ZBTB20: variants seen among roughly 807,000 people sequenced by gnomAD.
The protein encoded by ZBTB20 is zinc finger and BTB domain-containing protein 20.
Under a neutral mutation model 56.9 loss-of-function variants are expected in ZBTB20, and 9 were observed. That is an observed-to-expected ratio of 0.16 (90% CI 0.10 to 0.28). The LOEUF (loss-of-function observed/expected upper bound fraction) is 0.28. ZBTB20 is among the 10% of genes least tolerant of loss of function. The pLI is 1.00. For missense variants in ZBTB20, 655 were observed against 1,003.0 expected (o/e 0.65, Z 4.69); for synonymous variants, 417 against 420.7 (o/e 0.99, Z 0.11).
intron 1 of ZBTB20, among the ~76,000 whole-genome samples, chr3:115,130,760 CTTTT>C (rs1184617105): frequency 1.3e-5 from 2 of 152,148 alleles, no homozygotes; most frequent in African/African-American, 2.4e-5. Context: ...ATTTTAATTT[CTTTT>C]TTTGTTTGTT....
chr3:114,834,357 G>A (rs1470175926), intron 4 of ZBTB20, among the ~76,000 whole-genome samples: 1 of 152,058 alleles, frequency 6.6e-6, no homozygotes, highest in Non-Finnish European at 1.5e-5. Context: ...TGACATCACA[G>A]ATATACAAAT....
chr3:114,724,836 G>A (rs1359627084), intron 5 of ZBTB20, among the ~76,000 whole-genome samples: 1 of 152,086 alleles, frequency 6.6e-6, no homozygotes, highest in Non-Finnish European at 1.5e-5. Flanking sequence ...AAGAAAAAGA[G>A]AGTGAGTCCA....
At chr3:114,902,284 C>A (rs2075150315) in intron 3 of ZBTB20, among the ~76,000 whole-genome samples, 1 of 152,200 alleles carries the variant, frequency 6.6e-6, no homozygotes, top group Non-Finnish European at 1.5e-5. Flanking sequence ...CACAGCCTAA[C>A]TTATTCACTA....
chr3:115,008,684 T>G (rs1471517185), intron 2 of ZBTB20, among the ~76,000 whole-genome samples: 1 of 151,950 alleles, frequency 6.6e-6, no homozygotes, highest in Non-Finnish European at 1.5e-5. Context: ...GTAAGTTTTG[T>G]ATTTCCTTGG....
At chr3:114,970,193 C>T (rs1345027583) in intron 3 of ZBTB20, among the ~76,000 whole-genome samples, 2 of 152,092 alleles carry the variant, frequency 1.3e-5, no homozygotes, top group African/African-American at 4.8e-5. Context: ...TATACAGCTA[C>T]CACACAACTA....
intron 6 of ZBTB20, among the ~76,000 whole-genome samples, chr3:114,645,502 C>A (rs1198991165): frequency 6.6e-6 from 1 of 151,998 alleles, no homozygotes; most frequent in Non-Finnish European, 1.5e-5. Context: ...TTGTTAATTC[C>A]AGAGATGCTT....
At chr3:114,927,091 C>T (rs1256185475) in intron 3 of ZBTB20, among the ~76,000 whole-genome samples, 2 of 152,160 alleles carry the variant, frequency 1.3e-5, no homozygotes. Flanking sequence ...CTGGGGACTG[C>T]TTAGGGCAAA....
chr3:114,527,370 T>A (rs1322915278), intron 6 of ZBTB20: 1 of 152,150 alleles, frequency 6.6e-6, no homozygotes, highest in African/African-American at 2.4e-5. Flanking sequence ...TAAGACAATA[T>A]CCATGTTATT....
chr3:114,621,639 A>G (rs1560049221), intron 6 of ZBTB20, among the ~76,000 whole-genome samples: 1 of 152,174 alleles, frequency 6.6e-6, no homozygotes, highest in Non-Finnish European at 1.5e-5. Flanking sequence ...CGACTGCCTA[A>G]TTAAATGAAT....
At chr3:114,382,976 C>G (rs1326242188) in intron 8 of ZBTB20, among the ~76,000 whole-genome samples, 1 of 152,168 alleles carries the variant, frequency 6.6e-6, no homozygotes, top group East Asian at 1.9e-4. Context: ...AGCAATGTAG[C>G]TTAGACAAAG....
rs145556956 is a variant in ZBTB20 at position 114,832,768 on chromosome 3, C to T, written c.-416-31594G>A. On this transcript the variant is annotated intron_variant, in intron 4 of 11. Coordinates refer to ENST00000675478, the MANE Select transcript of ZBTB20 (RefSeq NM_001348800.3). ...TGAATTGAGTGAACCTGGCTTCTCCCGCTTAGACGTGAACATTCCTGTTAG... is the reference window on the plus strand; with the variant it reads ...TGAATTGAGTGAACCTGGCTTCTCCTGCTTAGACGTGAACATTCCTGTTAG... Among the ~76,000 whole-genome samples, 19 of 152,138 alleles carry T rather than the reference C, an allele frequency of 1.2e-4. No homozygotes were observed. The East Asian group carries it at 3.1e-3, about 25-fold the overall frequency.
chr3:114,753,521 G>A (rs1391507945), intron 5 of ZBTB20, among the ~76,000 whole-genome samples: 1 of 149,754 alleles, frequency 6.7e-6, no homozygotes, highest in African/African-American at 2.5e-5. Flanking sequence ...TGCAACCTCC[G>A]CCTCCCGAGT....
intron 6 of ZBTB20, among the ~76,000 whole-genome samples, chr3:114,609,513 A>G (rs2107679582): frequency 6.6e-6 from 1 of 152,316 alleles, no homozygotes. Context: ...TATTATCATT[A>G]GTATGGTTTC....
chr3:114,581,725 C>G (rs1220719734), intron 6 of ZBTB20, among the ~76,000 whole-genome samples: 1 of 151,448 alleles, frequency 6.6e-6, no homozygotes, highest in African/African-American at 2.4e-5. Context: ...AGATATTATT[C>G]AATTCCGATC....
intron 2 of ZBTB20, among the ~76,000 whole-genome samples, chr3:115,002,237 T>C (rs867687851): frequency 1.3e-5 from 2 of 151,642 alleles, no homozygotes; most frequent in Middle Eastern, 3.4e-3. Flanking sequence ...AAATAAATCA[T>C]AGACCTAAAT....
intron 3 of ZBTB20, among the ~76,000 whole-genome samples, chr3:114,959,120 C>A (rs1241840546): frequency 6.6e-6 from 1 of 152,088 alleles, no homozygotes; most frequent in Non-Finnish European, 1.5e-5. Context: ...TCTCACTTCC[C>A]CTAATGAGCA....
At chr3:115,088,267 TTC>T (rs2108564394) in intron 1 of ZBTB20, among the ~76,000 whole-genome samples, 1 of 151,980 alleles carries the variant, frequency 6.6e-6, no homozygotes, top group African/African-American at 2.4e-5. Flanking sequence ...GTTTTCATTC[TTC>T]TCTCTTCTCT....
intron 4 of ZBTB20, among the ~76,000 whole-genome samples, chr3:114,865,396 A>C (rs1482349589): frequency 6.6e-6 from 1 of 152,190 alleles, no homozygotes; most frequent in Non-Finnish European, 1.5e-5. Context: ...TCTTGTCTTA[A>C]GTACTAGAGA....
chr3:115,034,320 T>C (rs947471898), intron 2 of ZBTB20, among the ~76,000 whole-genome samples: 1 of 151,690 alleles, frequency 6.6e-6, no homozygotes. Context: ...TGATCTCATA[T>C]GTAAAAAACA....
Sources: gnomAD v4.1 joint callset for allele counts (sites outside exome capture counted in the v4.1 genomes callset) on GRCh38, gnomAD v4.1.1 for gene constraint, MANE v1.5 for transcripts, NCBI Gene and HGNC (gene_info 2026-07-23, HGNC 2026-07-21) for gene names.